Variants in SMARCC1 observed in about 807,000 individuals in gnomAD.
The protein encoded by SMARCC1 is SWI/SNF related BAF chromatin remodeling complex subunit C1, also known as SWI/SNF complex subunit SMARCC1.
A neutral mutation model predicts 147.4 loss-of-function variants in SMARCC1; 43 were observed. That is an observed-to-expected ratio of 0.29 (90% CI 0.23 to 0.38). SMARCC1 has a LOEUF of 0.38. SMARCC1 is among the 10% of genes least tolerant of loss of function. The probability of loss-of-function intolerance (pLI) is 1.00; values close to 1 mark genes in which losing one functional copy is unlikely to be tolerated. For missense variants in SMARCC1, 1,119 were observed against 1,381.1 expected, an observed-to-expected ratio of 0.81 and a Z score of 3.01; for synonymous variants, 495 against 484.4, an observed-to-expected ratio of 1.02 and a Z score of -0.29.
chr3:47,707,520 A>AAAT (rs1553685747), intron 9 of SMARCC1, among the ~76,000 whole-genome samples: 47 of 152,188 alleles, frequency 3.1e-4, no homozygotes, highest in Non-Finnish European at 5.7e-4. Flanking sequence ...AAAAACACCT[A>AAAT]AATTATCAGT....
intron 24 of SMARCC1, among the ~76,000 whole-genome samples, chr3:47,632,863 T>C (rs2032911116): frequency 6.6e-6 from 1 of 151,930 alleles, no homozygotes; most frequent in Non-Finnish European, 1.5e-5. Flanking sequence ...GAGTTTGAAA[T>C]TGCAGCCAGA....
intron 25 of SMARCC1, among the ~76,000 whole-genome samples, chr3:47,614,550 A>G (rs2032610423): frequency 6.6e-6 from 1 of 152,218 alleles, no homozygotes; most frequent in African/African-American, 2.4e-5. Flanking sequence ...GTCATAAAAT[A>G]TAACAAATTT....
At chr3:47,781,571 G>A (rs2035048964) in intron 1 of SMARCC1, 32 bp downstream of exon 1, 3 of 1,464,974 alleles carry the variant, frequency 2.0e-6, no homozygotes, top group Non-Finnish European at 2.7e-6. Context: ...CGGTCGCGTG[G>A]TCTCCCGGCC....
chr3:47,646,213 G>A (rs1054178847), intron 21 of SMARCC1, among the ~76,000 whole-genome samples: 4 of 152,198 alleles, frequency 2.6e-5, no homozygotes, highest in Admixed American at 2.6e-4. Context: ...ATGTGGAACA[G>A]TATGTAAAAC....
intron 1 of SMARCC1, among the ~76,000 whole-genome samples, chr3:47,780,139 G>A (rs967042999): frequency 1.5e-5 from 2 of 137,256 alleles, no homozygotes; most frequent in African/African-American, 5.4e-5. Flanking sequence ...AGAAAGAAAT[G>A]ATCATTTCTG....
At chr3:47,631,176 A>G (rs2032885383) in intron 24 of SMARCC1, among the ~76,000 whole-genome samples, 1 of 152,292 alleles carries the variant, frequency 6.6e-6, no homozygotes, top group African/African-American at 2.4e-5. Flanking sequence ...AAGGAAAAGA[A>G]TGAGAAATTG....
At chr3:47,638,818 G>A (rs1347448830) in intron 21 of SMARCC1, 38 bp from the exon 22 acceptor site, 12 of 1,431,054 alleles carry the variant, frequency 8.4e-6, no homozygotes, top group Non-Finnish European at 1.2e-5. Flanking sequence ...CTCCAATGTG[G>A]AAAAAGGTAA....
chr3:47,681,573 T>C (rs1310228916), intron 14 of SMARCC1, among the ~76,000 whole-genome samples: 1 of 152,160 alleles, frequency 6.6e-6, no homozygotes, highest in Non-Finnish European at 1.5e-5. Flanking sequence ...CATTTTAGTT[T>C]CTCAGTGACT....
chr3:47,598,086 G>C (rs1349835291), intron 26 of SMARCC1, among the ~76,000 whole-genome samples: 1 of 152,156 alleles, frequency 6.6e-6, no homozygotes, highest in African/African-American at 2.4e-5. Context: ...AGGTGGTACT[G>C]TCCCAGCTCC....
At chr3:47,776,766 AAT>A (rs1403612938) in intron 1 of SMARCC1, among the ~76,000 whole-genome samples, 2 of 151,534 alleles carry the variant, frequency 1.3e-5, no homozygotes, top group Admixed American at 6.6e-5. Context: ...TATAGATGTA[AAT>A]ATATATATAT....
In SMARCC1 at chr3:47,680,498, T is replaced by C; in HGVS notation, c.1396A>G (p.Ile466Val). Reference sequence around the variant, plus strand: ...AACTCAGGAAGAGCACGCCGTTCAATCACATGAATACTGAAAAGAAGAAGA... The same window carrying C: ...AACTCAGGAAGAGCACGCCGTTCAACCACATGAATACTGAAAAGAAGAAGA... ...SWFDYNCIHV[I>V]ERRALPEFFN... Residue 466 changes from isoleucine (I) to valine (V), a missense_variant, in exon 15 of 28, where the codon ATT becomes GTT. Ile to Val is a conservative substitution (Grantham distance 29, BLOSUM62 3). This residue lies in a region of SMARCC1 where 542 missense variants were observed against 611.8 expected (regional missense o/e 0.89). Transcript: ENST00000254480. The C allele has an allele frequency of 6.6e-7, 1 of 1,518,704 alleles. No individual in the cohort carries two copies. Among genetic ancestry groups the C allele is most frequent in the Non-Finnish European group, 9.1e-7 (1 of 1,104,256 alleles). 94.1% of individuals were successfully genotyped at this position (1,518,704 alleles called of 1,614,324 possible). A position where few individuals can be genotyped will look rare whatever the true frequency, so the allele number is the denominator to read the frequency against.
chr3:47,645,709 T>C (rs994653726), intron 21 of SMARCC1, among the ~76,000 whole-genome samples: 5 of 152,234 alleles, frequency 3.3e-5, no homozygotes, highest in Admixed American at 3.3e-4. Context: ...CGCAATATGA[T>C]TTTTTGTCTC....
intron 1 of SMARCC1, 134 bp downstream of exon 1, chr3:47,781,469 G>T: frequency 3.9e-6 from 2 of 515,468 alleles, no homozygotes; most frequent in Non-Finnish European, 5.9e-6. Context: ...GCGGGGGCGT[G>T]GCGGGCCCGG....
At chr3:47,734,117 C>CA (rs2034412125) in intron 5 of SMARCC1, among the ~76,000 whole-genome samples, 1 of 151,938 alleles carries the variant, frequency 6.6e-6, no homozygotes, top group Admixed American at 6.6e-5. Context: ...GACCCGGTGA[C>CA]AAAAAGAGTA....
chr3:47,592,155 A>C (rs1225227508), intron 26 of SMARCC1, among the ~76,000 whole-genome samples: 1 of 152,178 alleles, frequency 6.6e-6, no homozygotes. Flanking sequence ...GAACACTAAA[A>C]TACCTCCTGT....
intron 2 of SMARCC1, among the ~76,000 whole-genome samples, chr3:47,752,684 G>C (rs1050042927): frequency 2.0e-5 from 3 of 152,080 alleles, no homozygotes; most frequent in Non-Finnish European, 2.9e-5. Context: ...CAGCTACCCA[G>C]TAGGCTGAGT....
intron 6 of SMARCC1, among the ~76,000 whole-genome samples, chr3:47,725,809 C>T (rs2034291925): frequency 6.6e-6 from 1 of 151,834 alleles, no homozygotes; most frequent in Non-Finnish European, 1.5e-5. Flanking sequence ...TGCCTGTAAT[C>T]CCAACACTTT....
intron 24 of SMARCC1, among the ~76,000 whole-genome samples, chr3:47,624,043 C>T (rs1328805442): frequency 6.6e-6 from 1 of 151,950 alleles, no homozygotes; most frequent in African/African-American, 2.4e-5. Flanking sequence ...AATCTCAGCA[C>T]TTTTGGGAGG....
At chr3:47,638,906 C>G (rs1419211434) in intron 21 of SMARCC1, 126 bp from the exon 22 acceptor site, 3 of 705,054 alleles carry the variant, frequency 4.3e-6, no homozygotes, top group Non-Finnish European at 7.4e-6. Flanking sequence ...CATAGCCATA[C>G]AGTTGAAAAA....
Sources: allele counts gnomAD v4.1 joint callset (sites outside exome capture counted in the v4.1 genomes callset), GRCh38; gene constraint gnomAD v4.1.1; regional missense constraint gnomAD v4.1.1; transcripts MANE v1.5; gene names NCBI Gene and HGNC (gene_info 2026-07-23, HGNC 2026-07-21).